The following SAFB variants were observed in gnomAD, a reference collection of about 807,000 sequenced individuals.
SAFB encodes the protein scaffold attachment factor B1.
Under a neutral mutation model 101.6 loss-of-function variants are expected in SAFB, and 15 were observed. That is an observed-to-expected ratio of 0.15 (90% CI 0.10 to 0.23). The LOEUF is 0.23. SAFB is among the 10% of genes least tolerant of loss of function. The probability of loss-of-function intolerance (pLI) is 1.00; values close to 1 mark genes in which losing one functional copy is unlikely to be tolerated. For missense variants in SAFB, 930 were observed against 1,104.1 expected (o/e 0.84, Z 2.23); for synonymous variants, 449 against 407.5 (o/e 1.10, Z -1.23).
In SAFB at chr19:5,626,400, T is replaced by G. The variant is rs182928993; in HGVS notation, c.190-5T>G. 40 of 1,577,698 alleles carry G rather than the reference T, an allele frequency of 2.5e-5. No homozygotes were observed. In the Admixed American group the frequency reaches 6.0e-4, roughly 24 times the overall value. On this transcript the variant is annotated splice_polypyrimidine_tract_variant and splice_region_variant and intron_variant, in intron 1 of 20. Coordinates refer to ENST00000588852, the MANE Select transcript of SAFB (RefSeq NM_001201338.2). ...GGATCAACTTTACTTTTCCCTTCTT[T>G]TTAGGCAATTGAAGATGAAGGTGGT...
rs751748598 is a variant in SAFB, at chr19:5,645,371, C to T, written c.581C>T (p.Thr194Ile). 3.6e-6 allele frequency: 5 copies of T among 1,382,552 alleles called. No individual in the cohort carries two copies. Among genetic ancestry groups the T allele is most frequent in the Admixed American group, 1.7e-5 (1 of 59,404 alleles). The allele number at this position is 1,382,552 out of a possible 1,614,324, so 85.6% of individuals were successfully genotyped here. A position where few individuals can be genotyped will look rare whatever the true frequency, so the allele number is the denominator to read the frequency against. The change falls in exon 5 of 21, where the codon ACT (threonine) becomes ATT (isoleucine). Residue 194 changes from threonine (T) to isoleucine (I), a missense_variant. By Grantham distance (89) the Thr-to-Ile change is moderately conservative. Around this residue, in one of 7 missense-constraint regions of SAFB, gnomAD observed 130 missense variants for 114.2 expected, o/e 1.14. Transcript: ENST00000588852. The stretch of plus-strand genomic sequence containing the variant: ...AAAGAAACTATAAACAATTTAGATA[C>T]TTCATCATCTGACTTCACTATATTA... ...EDKETINNLD[T>I]SSSDFTILQE...
intron 1 of SAFB, among the ~76,000 whole-genome samples, chr19:5,625,808 T>C (rs535015162): frequency 1.3e-5 from 2 of 151,996 alleles, no homozygotes; most frequent in East Asian, 3.9e-4. Flanking sequence ...GGTACTGGAG[T>C]CGGTTGTGAA....
chr19:5,654,327 T>C lies in SAFB; in HGVS notation c.1667-41T>C, dbSNP rs992033179. The C allele has an allele frequency of 2.5e-6, 4 of 1,592,440 alleles. No individual in the cohort carries two copies. In the African/African-American group the frequency reaches 5.4e-5, roughly 21 times the overall value. On this transcript the variant is annotated intron_variant, in intron 12 of 20. Coordinates refer to ENST00000588852, the MANE Select transcript of SAFB (RefSeq NM_001201338.2). Reference sequence around the variant, plus strand: ...GCAGAGGGTTTTTCTCATCTGGGTATTCTTGGTTTTCCACTTACACTTTCC... The same window carrying C: ...GCAGAGGGTTTTTCTCATCTGGGTACTCTTGGTTTTCCACTTACACTTTCC...
Position 5,667,992 on chromosome 19 carries a change from G to A in SAFB, c.2624+106G>A, listed in dbSNP as rs567201322. ...TTCCAGCTAGTGCCCCTCCCCCCAA[G>A]GGTGACGTGAGGCCAGGCATGGGGT... On this transcript the variant is annotated intron_variant, in intron 20 of 20. Transcript: ENST00000588852. This position sits in a 1 kb window ranked among gnomAD's most constrained non-coding sequence, Gnocchi z 4.0. 1.3e-5 allele frequency: 18 copies of A among 1,434,376 alleles called. No individual in the cohort carries two copies. In the African/African-American group the frequency reaches 2.1e-4, roughly 17 times the overall value. The allele number at this position is 1,434,376 out of a possible 1,614,324, so 88.9% of individuals were successfully genotyped here.
intron 2 of SAFB, among the ~76,000 whole-genome samples, chr19:5,630,336 T>A (rs1299154872): frequency 6.6e-6 from 1 of 152,256 alleles, no homozygotes; most frequent in East Asian, 1.9e-4. Flanking sequence ...TATTGAGTTA[T>A]AAAGACTCAT....
At chr19:5,654,590 A>G in intron 13 of SAFB, 134 bp downstream of exon 13, 1 of 684,530 alleles carries the variant, frequency 1.5e-6, no homozygotes, top group South Asian at 1.7e-5. Flanking sequence ...GAAATCTCAA[A>G]CTATTTTTTT....
intron 2 of SAFB, among the ~76,000 whole-genome samples, chr19:5,631,263 C>T (rs1015454154): frequency 6.6e-6 from 1 of 152,166 alleles, no homozygotes; most frequent in Non-Finnish European, 1.5e-5. Context: ...CCCTCCCAGC[C>T]CCTGCAAAAA....
At position 5,635,567 on chromosome 19, in the gene SAFB, C is replaced by T. The variant is rs185201472; in HGVS notation, c.275-6027C>T. On this transcript the variant is annotated intron_variant, in intron 2 of 20. Coordinates refer to ENST00000588852, the MANE Select transcript of SAFB (RefSeq NM_001201338.2). ...TCTGTTACTGCAGTAAAGTTTAATA[C>T]GTATATTTGCATAATTAGGGAAGTG... Among the ~76,000 whole-genome samples the T allele has an allele frequency of 3.5e-4, 54 of 152,188 alleles. 2 individuals carry two copies. The highest frequency in any genetic ancestry group is 9.6e-5 in the African/African-American group (4 of 41,522).
intron 13 of SAFB, among the ~76,000 whole-genome samples, chr19:5,656,367 G>A (rs2054060052): frequency 6.6e-6 from 1 of 151,958 alleles, no homozygotes; most frequent in Admixed American, 6.6e-5. Context: ...CACCTCCCGG[G>A]GGTTTTTAAG....
At chr19:5,624,866 A>T (rs1274017347) in intron 1 of SAFB, among the ~76,000 whole-genome samples, 2 of 151,426 alleles carry the variant, frequency 1.3e-5, no homozygotes, top group Non-Finnish European at 3.0e-5. Context: ...GAGAAAATGC[A>T]GAGAGTGGAG....
chr19:5,650,081 C>T lies in SAFB; in HGVS notation c.1198+106C>T, dbSNP rs141794030. The T allele has an allele frequency of 4.0e-3, 3,476 of 870,176 alleles. 122 individuals are homozygous for T. In the East Asian group the frequency reaches 0.074, roughly 19 times the overall value. The allele number at this position is 870,176 out of a possible 1,614,324, so 53.9% of individuals were successfully genotyped here. ...TGCTATGCTCCTTACCCAGGAGACTCCTGAGACGTTTGTGCAGTCTTTCTC... is the reference window on the plus strand; with the variant it reads ...TGCTATGCTCCTTACCCAGGAGACTTCTGAGACGTTTGTGCAGTCTTTCTC... On this transcript the variant is annotated intron_variant, in intron 8 of 20. Coordinates refer to ENST00000588852, the MANE Select transcript of SAFB (RefSeq NM_001201338.2).
chr19:5,626,965 C>T (rs2053378924), intron 2 of SAFB, among the ~76,000 whole-genome samples: 1 of 152,024 alleles, frequency 6.6e-6, no homozygotes, highest in South Asian at 2.1e-4. Flanking sequence ...GATTACTTGA[C>T]CCCAGGAGGT....
chr19:5,631,749 AAAATAAT>A (rs2145406258), intron 2 of SAFB, among the ~76,000 whole-genome samples: 1 of 152,320 alleles, frequency 6.6e-6, no homozygotes, highest in Admixed American at 6.5e-5. Context: ...GCAGACTCTC[AAAATAAT>A]TATCAGGGGC....
In SAFB at chr19:5,653,091, C is replaced by T. The variant is rs369069252; in HGVS notation, c.1294-24C>T. ...CGCTCAGTGGGCTTCATGTCTGAGT[C>T]ATATTTGCCTGCTTTCCTTTGAGGT... On this transcript the variant is annotated intron_variant, in intron 9 of 20. Transcript: ENST00000588852. 5.6e-6 allele frequency: 9 copies of T among 1,612,420 alleles called. No individual in the cohort carries two copies. The African/African-American group carries it at 1.2e-4, about 22-fold the overall frequency.
chr19:5,660,937 C>CT lies in SAFB; in HGVS notation c.1863-555dup, dbSNP rs35511041. 1.7e-3 allele frequency among the ~76,000 whole-genome samples: 63 copies of CT among 38,042 alleles called. 2 individuals are homozygous for CT. Among genetic ancestry groups the CT allele is most frequent in the South Asian group, 3.8e-3 (2 of 530 alleles). The allele number at this position is 38,042 out of a possible 152,430, so 25.0% of individuals were successfully genotyped here. ...TCGCTATGAAGCATATACTCTGTGGCTTTTTTTTTTTTTTTTTTTTTTTTT... is the reference window on the plus strand; with the variant it reads ...TCGCTATGAAGCATATACTCTGTGGCTTTTTTTTTTTTTTTTTTTTTTTTTT... On this transcript the variant is annotated intron_variant, in intron 14 of 20. Transcript: ENST00000588852.
At chr19:5,651,157 T>G in intron 9 of SAFB, 85 bp downstream of exon 9, 1 of 812,668 alleles carries the variant, frequency 1.2e-6, no homozygotes. Context: ...CCTCAGTGAG[T>G]TCTTTGAGAG....
In SAFB at chr19:5,667,592, G is replaced by A. The variant is rs573343708; in HGVS notation, c.2557+142G>A. The A allele has an allele frequency of 3.4e-5, 24 of 711,482 alleles. No individual in the cohort carries two copies. The highest frequency in any genetic ancestry group is 3.2e-4 in the African/African-American group (18 of 55,542). 44.1% of individuals were successfully genotyped at this position (711,482 alleles called of 1,614,324 possible). On this transcript the variant is annotated intron_variant, in intron 19 of 20. Transcript: ENST00000588852. This position sits in a 1 kb window ranked among gnomAD's most constrained non-coding sequence, Gnocchi z 4.0. ...AGGAATGAAGAGCACTCCAGACACC[G>A]CCTGCTCTCTGGTGGTCTGGCCCAG...
At chr19:5,643,117 C>G (rs1226708517) in intron 4 of SAFB, among the ~76,000 whole-genome samples, 1 of 152,048 alleles carries the variant, frequency 6.6e-6, no homozygotes, top group East Asian at 1.9e-4. Context: ...TTCCAGAGGC[C>G]ATGTACTTAA....
At chr19:5,660,129 G>A (rs2054161684) in intron 14 of SAFB, among the ~76,000 whole-genome samples, 1 of 152,110 alleles carries the variant, frequency 6.6e-6, no homozygotes, top group South Asian at 2.1e-4. Context: ...TCCCAGAAAC[G>A]ACTGGCCTCA....
Sources: allele counts gnomAD v4.1 joint callset (sites outside exome capture counted in the v4.1 genomes callset), GRCh38; gene constraint gnomAD v4.1.1; regional missense constraint gnomAD v4.1.1; non-coding constraint Gnocchi (gnomAD v3.1); transcripts MANE v1.5; gene names NCBI Gene and HGNC (gene_info 2026-07-23, HGNC 2026-07-21).